The following EDAR variants were observed in gnomAD, a reference collection of about 807,000 sequenced individuals.
The protein encoded by EDAR is ectodysplasin A receptor.
A neutral mutation model predicts 51.3 loss-of-function variants in EDAR; 38 were observed. The observed-to-expected ratio is 0.74, with a 90% CI of 0.57 to 0.97. The LOEUF is 0.97. Ranked by LOEUF, EDAR falls within the 50% of genes least tolerant of loss-of-function variation. EDAR has a pLI of 0.00. For missense variants in EDAR, 528 were observed against 595.0 expected (o/e 0.89, Z 1.17); for synonymous variants, 227 against 242.1 (o/e 0.94, Z 0.58).
intron 9 of EDAR, among the ~76,000 whole-genome samples, chr2:108,908,532 G>A (rs1409610323): frequency 2.0e-5 from 3 of 152,102 alleles, no homozygotes; most frequent in East Asian, 1.9e-4. Flanking sequence ...GACTAGGGGG[G>A]TGACCTGGCT....
At chr2:108,944,919 A>C (rs1697686612) in intron 1 of EDAR, among the ~76,000 whole-genome samples, 1 of 152,174 alleles carries the variant, frequency 6.6e-6, no homozygotes, top group South Asian at 2.1e-4. Flanking sequence ...GAGCCCTTTG[A>C]CATGAGCAGA....
intron 5 of EDAR, among the ~76,000 whole-genome samples, chr2:108,919,446 T>C (rs1478664250): frequency 6.6e-6 from 1 of 152,070 alleles, no homozygotes; most frequent in Non-Finnish European, 1.5e-5. Flanking sequence ...GCAACCTCCA[T>C]CTCCCAGGTT....
At chr2:108,932,258 G>A (rs1024448743) in intron 1 of EDAR, among the ~76,000 whole-genome samples, 2 of 152,158 alleles carry the variant, frequency 1.3e-5, no homozygotes, top group Non-Finnish European at 2.9e-5. Flanking sequence ...GCTGAGCGCG[G>A]TGGCTCACAC....
intron 1 of EDAR, among the ~76,000 whole-genome samples, chr2:108,977,031 C>T (rs960379665): frequency 1.3e-5 from 2 of 152,164 alleles, no homozygotes; most frequent in African/African-American, 4.8e-5. Flanking sequence ...ATACCTCTGA[C>T]TTCCCAGTTT....
intron 9 of EDAR, among the ~76,000 whole-genome samples, chr2:108,910,071 G>A (rs1468842712): frequency 6.6e-6 from 1 of 152,250 alleles, no homozygotes; most frequent in South Asian, 2.1e-4. Flanking sequence ...GTTGTTACCA[G>A]CATTACGGTG....
chr2:108,915,469 A>G (rs1412373772), intron 5 of EDAR, among the ~76,000 whole-genome samples: 1 of 152,214 alleles, frequency 6.6e-6, no homozygotes, highest in Non-Finnish European at 1.5e-5. Context: ...TCACCTGTCC[A>G]CTGAGGGGCA....
At position 108,910,538 on chromosome 2, in the gene EDAR, G is replaced by A. The variant is rs908820263; in HGVS notation, c.731-6C>T. On this transcript the variant is annotated splice_region_variant and splice_polypyrimidine_tract_variant and intron_variant, in intron 8 of 11. Transcript: ENST00000258443. ...GGAGAACATCACCACGTTGTCTGCA[G>A]GGAAATGGGGAGGTTGGGGAGATAG... 2 of 1,610,990 alleles carry A rather than the reference G, an allele frequency of 1.2e-6. No homozygotes were observed. The highest frequency in any genetic ancestry group is 2.7e-5 in the African/African-American group (2 of 74,848).
In EDAR at chr2:108,969,676, T is replaced by C. The variant is rs113756192; in HGVS notation, c.-19+19284A>G. Among the ~76,000 whole-genome samples the C allele has an allele frequency of 2.4e-3, 364 of 152,322 alleles. 1 individual carries two copies. Among genetic ancestry groups the C allele is most frequent in the African/African-American group, 8.4e-3 (348 of 41,568 alleles). ...TAAAGAAAAGATATTTATTAAGTGC[T>C]TACTAAAGGCACAGCACCATCTCAG... On this transcript the variant is annotated intron_variant, in intron 1 of 11. Coordinates refer to ENST00000258443, the MANE Select transcript of EDAR (RefSeq NM_022336.4).
chr2:108,952,769 G>C (rs1039280904), intron 1 of EDAR, among the ~76,000 whole-genome samples: 1 of 152,062 alleles, frequency 6.6e-6, no homozygotes, highest in East Asian at 1.9e-4. Context: ...CGTATGTGTG[G>C]TAATGTTTTA....
rs1341850085 is a variant in EDAR, at chr2:108,944,497, C to T, written c.-18-13465G>A. Among the ~76,000 whole-genome samples, 3 of 152,232 alleles carry T rather than the reference C, an allele frequency of 2.0e-5. No homozygotes were observed. In the East Asian group the frequency reaches 5.8e-4, roughly 29 times the overall value. ...ATGGCCATGGAGCCAATGCTGTTGCCTCTAACCTCATGGGGCTGTTAATCT... is the reference window on the plus strand; with the variant it reads ...ATGGCCATGGAGCCAATGCTGTTGCTTCTAACCTCATGGGGCTGTTAATCT... On this transcript the variant is annotated intron_variant, in intron 1 of 11. Coordinates refer to ENST00000258443, the MANE Select transcript of EDAR (RefSeq NM_022336.4).
rs1265709046 is a variant in EDAR at position 108,949,155 on chromosome 2, A to T, written c.-18-18123T>A. 2.6e-5 allele frequency among the ~76,000 whole-genome samples: 4 copies of T among 151,682 alleles called. No homozygotes were observed. The South Asian group carries it at 8.3e-4, about 32-fold the overall frequency. On this transcript the variant is annotated intron_variant, in intron 1 of 11. Coordinates refer to ENST00000258443, the MANE Select transcript of EDAR (RefSeq NM_022336.4). ...ACCATGCCTGGGTAATTTTTTTTGTAGTTTTTTGTAGAGATGGGATTTCCC... is the reference window on the plus strand; with the variant it reads ...ACCATGCCTGGGTAATTTTTTTTGTTGTTTTTTGTAGAGATGGGATTTCCC...
intron 1 of EDAR, among the ~76,000 whole-genome samples, chr2:108,988,488 G>T (rs564021677): frequency 6.6e-6 from 1 of 152,138 alleles, no homozygotes; most frequent in Non-Finnish European, 1.5e-5. Context: ...GATATGGGGG[G>T]TCTCAGACAC....
Position 108,933,779 on chromosome 2 carries a change from C to T in EDAR, c.-18-2747G>A, listed in dbSNP as rs73952552. 1.9e-3 allele frequency among the ~76,000 whole-genome samples: 295 copies of T among 151,898 alleles called. 1 individual carries two copies. Among genetic ancestry groups the T allele is most frequent in the African/African-American group, 6.8e-3 (281 of 41,430 alleles). On this transcript the variant is annotated intron_variant, in intron 1 of 11. Coordinates refer to ENST00000258443, the MANE Select transcript of EDAR (RefSeq NM_022336.4). Reference sequence around the variant, plus strand: ...AGGCAGCGACGGGAGATCGGGGTGGCGGGGAGGCAAGGGCGACCTGCAGCC... The same window carrying T: ...AGGCAGCGACGGGAGATCGGGGTGGTGGGGAGGCAAGGGCGACCTGCAGCC...
chr2:108,982,836 C>T (rs1468266060), intron 1 of EDAR, among the ~76,000 whole-genome samples: 4 of 152,184 alleles, frequency 2.6e-5, no homozygotes, highest in Admixed American at 1.3e-4. Context: ...TGAGTGCTGG[C>T]GGGAAACTAG....
chr2:108,922,568 CCTT>C (rs1165925053), intron 5 of EDAR, among the ~76,000 whole-genome samples: 3 of 152,140 alleles, frequency 2.0e-5, no homozygotes, highest in Non-Finnish European at 2.9e-5. Flanking sequence ...CGCAGGCTCT[CCTT>C]CTTCTCCTGG....
chr2:108,955,684 C>T (rs901230836), intron 1 of EDAR, among the ~76,000 whole-genome samples: 3 of 151,704 alleles, frequency 2.0e-5, no homozygotes, highest in Non-Finnish European at 4.4e-5. Flanking sequence ...ATAGCCTGGG[C>T]GACAGAGTGA....
At chr2:108,964,143 A>C (rs1208825654) in intron 1 of EDAR, among the ~76,000 whole-genome samples, 1 of 152,246 alleles carries the variant, frequency 6.6e-6, no homozygotes, top group Non-Finnish European at 1.5e-5. Context: ...TGGGCAGCAC[A>C]GAAGATAGTC....
At chr2:108,951,786 AC>A (rs1384807007) in intron 1 of EDAR, among the ~76,000 whole-genome samples, 1 of 152,184 alleles carries the variant, frequency 6.6e-6, no homozygotes, top group Non-Finnish European at 1.5e-5. Context: ...GCTCTTGGCA[AC>A]ACTATATCAG....
Position 108,910,536 on chromosome 2 carries a change from C to A in EDAR, c.731-4G>T, listed in dbSNP as rs201539805. The A allele has an allele frequency of 2.9e-4, 469 of 1,611,634 alleles. No homozygotes were observed. The highest frequency in any genetic ancestry group is 3.6e-4 in the Non-Finnish European group (426 of 1,177,968). The stretch of plus-strand genomic sequence containing the variant: ...TCGGAGAACATCACCACGTTGTCTG[C>A]AGGGAAATGGGGAGGTTGGGGAGAT... On this transcript the variant is annotated splice_region_variant and splice_polypyrimidine_tract_variant and intron_variant, in intron 8 of 11. Transcript: ENST00000258443.
Sources: allele counts gnomAD v4.1 joint callset (sites outside exome capture counted in the v4.1 genomes callset), GRCh38; gene constraint gnomAD v4.1.1; transcripts MANE v1.5; gene names NCBI Gene and HGNC (gene_info 2026-07-23, HGNC 2026-07-21).